The following RAB3C variants were observed in gnomAD, a reference collection of about 807,000 sequenced individuals.
RAB3C encodes the protein ras-related protein Rab-3C.
A neutral mutation model predicts 26.4 loss-of-function variants in RAB3C; 17 were observed. That is an observed-to-expected ratio of 0.64 (90% CI 0.44 to 0.97). The LOEUF is 0.97. RAB3C is among the 50% of genes least tolerant of loss of function. The pLI is 0.00. For synonymous variants in RAB3C, 91 were observed against 95.9 expected, an observed-to-expected ratio of 0.95 and a Z score of 0.30; for missense variants, 242 against 281.9, an observed-to-expected ratio of 0.86 and a Z score of 1.01.
chr5:58,831,694 T>C (rs1289764576), intron 4 of RAB3C, among the ~76,000 whole-genome samples: 1 of 152,122 alleles, frequency 6.6e-6, no homozygotes, highest in Admixed American at 6.6e-5. Context: ...ACTGCTGATA[T>C]TGGGAATAGC....
At chr5:58,642,441 T>G (rs1747430399) in intron 2 of RAB3C, among the ~76,000 whole-genome samples, 1 of 152,206 alleles carries the variant, frequency 6.6e-6, no homozygotes, top group African/African-American at 2.4e-5. Context: ...CTCTTCCAAT[T>G]TAATGCAGTT....
chr5:58,594,830 G>A (rs770955989), intron 1 of RAB3C, among the ~76,000 whole-genome samples: 8 of 143,126 alleles, frequency 5.6e-5, no homozygotes, highest in Non-Finnish European at 1.1e-4. Context: ...GGAAACAAAT[G>A]TATTAATATT....
intron 3 of RAB3C, among the ~76,000 whole-genome samples, chr5:58,797,217 G>A (rs1409705978): frequency 6.6e-6 from 1 of 151,036 alleles, no homozygotes; most frequent in Non-Finnish European, 1.5e-5. Context: ...CTCAAATCCA[G>A]TTTTTTGGAT....
At chr5:58,670,614 A>C (rs1356192554) in intron 2 of RAB3C, among the ~76,000 whole-genome samples, 1 of 152,204 alleles carries the variant, frequency 6.6e-6, no homozygotes, top group Non-Finnish European at 1.5e-5. Flanking sequence ...AAATGTTATC[A>C]AAGACAAATT....
intron 4 of RAB3C, among the ~76,000 whole-genome samples, chr5:58,827,108 G>A (rs958910099): frequency 6.7e-6 from 1 of 150,280 alleles, no homozygotes; most frequent in Non-Finnish European, 1.5e-5. Flanking sequence ...CCACTCTACC[G>A]ATTAAACAAT....
intron 4 of RAB3C, among the ~76,000 whole-genome samples, chr5:58,835,819 T>A (rs1482487278): frequency 1.3e-5 from 2 of 152,244 alleles, no homozygotes; most frequent in Non-Finnish European, 2.9e-5. Flanking sequence ...AGTATTTGGA[T>A]TTGGATTTAA....
rs1432979814 is a variant in RAB3C at position 58,855,728 on chromosome 5, A to G, written c.*4377A>G. On this transcript the variant is annotated 3_prime_UTR_variant, in exon 5 of 5. Transcript: ENST00000282878. ...AATTAAAGACATAAACCTGTTTTAT[A>G]TCATGGAATTTACTGGGCCAAATTA... The G allele has an allele frequency of 6.6e-6, 1 of 152,214 alleles. No individual in the cohort carries two copies. Among genetic ancestry groups the G allele is most frequent in the African/African-American group, 2.4e-5 (1 of 41,458 alleles). The allele number at this position is 152,214 out of a possible 1,614,324, so 9.4% of individuals were successfully genotyped here.
At chr5:58,743,195 C>T (rs142006136) in intron 3 of RAB3C, among the ~76,000 whole-genome samples, 1 of 152,156 alleles carries the variant, frequency 6.6e-6, no homozygotes, top group Non-Finnish European at 1.5e-5. Flanking sequence ...TACAAGGTGG[C>T]CATGAGGAAA....
intron 2 of RAB3C, among the ~76,000 whole-genome samples, chr5:58,697,825 A>G (rs1446396583): frequency 6.6e-6 from 1 of 152,130 alleles, no homozygotes; most frequent in African/African-American, 2.4e-5. Context: ...GTCTTTGCAC[A>G]TGAGATGGGT....
chr5:58,591,930 C>T (rs1289119647), intron 1 of RAB3C, among the ~76,000 whole-genome samples: 2 of 136,670 alleles, frequency 1.5e-5, no homozygotes, highest in Non-Finnish European at 3.1e-5. Flanking sequence ...TGGAGTTTTG[C>T]ACTTGTTGCG....
At chr5:58,645,913 AC>A (rs1165592471) in intron 2 of RAB3C, among the ~76,000 whole-genome samples, 1 of 152,130 alleles carries the variant, frequency 6.6e-6, no homozygotes, top group Non-Finnish European at 1.5e-5. Flanking sequence ...ACTCTTTCCC[AC>A]GTTAGGAGAG....
intron 2 of RAB3C, among the ~76,000 whole-genome samples, chr5:58,694,566 C>T (rs1195431224): frequency 1.2e-4 from 18 of 152,278 alleles, no homozygotes; most frequent in African/African-American, 4.1e-4. Flanking sequence ...CAAAAGTGTT[C>T]CTATTTCTCC....
intron 1 of RAB3C, among the ~76,000 whole-genome samples, chr5:58,616,013 CCT>C (rs1746819036): frequency 1.3e-5 from 2 of 151,792 alleles, no homozygotes; most frequent in African/African-American, 4.8e-5. Context: ...CACACACACC[CCT>C]GACTTCAGGT....
chr5:58,590,064 G>A (rs150987017), intron 1 of RAB3C, among the ~76,000 whole-genome samples: 20 of 152,310 alleles, frequency 1.3e-4, no homozygotes, highest in African/African-American at 4.6e-4. Context: ...GGGTGGACCT[G>A]AGCAAAGTGA....
chr5:58,698,785 A>G (rs562603777), intron 2 of RAB3C, among the ~76,000 whole-genome samples: 11 of 152,232 alleles, frequency 7.2e-5, no homozygotes, highest in African/African-American at 2.2e-4. Flanking sequence ...CAGGTCATTT[A>G]AGGTCTTCTC....
At chr5:58,680,565 G>GT (rs1748324555) in intron 2 of RAB3C, among the ~76,000 whole-genome samples, 2 of 152,200 alleles carry the variant, frequency 1.3e-5, no homozygotes. Context: ...TAGTTCTGAA[G>GT]TTAGAAGTCC....
At chr5:58,651,296 CTA>C (rs1398361866) in intron 2 of RAB3C, among the ~76,000 whole-genome samples, 1 of 152,076 alleles carries the variant, frequency 6.6e-6, no homozygotes, top group African/African-American at 2.4e-5. Context: ...TTCTAGCTTC[CTA>C]TCTCTTTTTC....
chr5:58,679,386 G>A (rs1163967892), intron 2 of RAB3C, among the ~76,000 whole-genome samples: 2 of 152,148 alleles, frequency 1.3e-5, no homozygotes, highest in African/African-American at 2.4e-5. Context: ...GCTTAATTGT[G>A]AATACTCTGA....
chr5:58,693,344 A>ATATG lies in RAB3C; in HGVS notation c.253-32655_253-32654insGTAT, dbSNP rs1561291365. 9.9e-5 allele frequency among the ~76,000 whole-genome samples: 14 copies of ATATG among 141,002 alleles called. 1 individual carries two copies. The highest frequency in any genetic ancestry group is 1.7e-4 in the Non-Finnish European group (11 of 65,844). 92.5% of individuals were successfully genotyped at this position (141,002 alleles called of 152,430 possible). On this transcript the variant is annotated intron_variant, in intron 2 of 4. Transcript: ENST00000282878. Reference sequence around the variant, plus strand: ...AAATTATATATATATGTGTATATATATATATATATATATATATAAAATTTC... The same window carrying ATATG: ...AAATTATATATATATGTGTATATATATATGTATATATATATATATATAAAATTTC...
Sources: gnomAD v4.1 joint callset for allele counts (sites outside exome capture counted in the v4.1 genomes callset) on GRCh38, gnomAD v4.1.1 for gene constraint, MANE v1.5 for transcripts, NCBI Gene and HGNC (gene_info 2026-07-23, HGNC 2026-07-21) for gene names.